Variants in CUL3 observed in about 807,000 individuals in gnomAD.
CUL3 encodes cullin 3.
In CUL3, 19 loss-of-function variants were observed where a neutral mutation model predicts 89.1. The ratio of observed to expected loss-of-function variants is 0.21; its 90% CI spans 0.15 to 0.31. The LOEUF is 0.31. CUL3 is among the 10% of genes least tolerant of loss of function. The pLI, the probability that CUL3 is intolerant of heterozygous loss-of-function variation, is 1.00. For synonymous variants in CUL3, 351 were observed against 308.4 expected (o/e 1.14, Z -1.45); for missense variants, 469 against 942.3 (o/e 0.50, Z 6.58).
intron 1 of CUL3, among the ~76,000 whole-genome samples, chr2:224,564,858 A>T (rs976416409): frequency 6.6e-6 from 1 of 152,216 alleles, no homozygotes; most frequent in African/African-American, 2.4e-5. Flanking sequence ...ACCTGCCCAA[A>T]CCTTCTTCCT....
At chr2:224,563,396 G>C in intron 1 of CUL3, 1 of 356,750 alleles carries the variant, frequency 2.8e-6, no homozygotes, top group South Asian at 2.3e-5. Flanking sequence ...AACTTAAGAG[G>C]GATTCCAGAG....
chr2:224,563,937 C>A (rs1318099087), intron 1 of CUL3, among the ~76,000 whole-genome samples: 1 of 151,930 alleles, frequency 6.6e-6, no homozygotes, highest in Non-Finnish European at 1.5e-5. Context: ...GGTGAAAGTT[C>A]TCTACTTAAT....
At chr2:224,478,105 A>C in intron 15 of CUL3, 95 bp downstream of exon 15, 1 of 1,291,640 alleles carries the variant, frequency 7.7e-7, no homozygotes, top group Non-Finnish European at 1.0e-6. Flanking sequence ...GGATTTCTTA[A>C]TTGTAAAATT....
chr2:224,535,685 C>G (rs370351538), intron 2 of CUL3, 44 bp from the exon 3 acceptor site: 1 of 1,145,872 alleles, frequency 8.7e-7, no homozygotes. Flanking sequence ...CACATCCACA[C>G]ACTCGTATAT....
At chr2:224,569,693 C>A (rs1343206194) in intron 1 of CUL3, 3 of 1,195,336 alleles carry the variant, frequency 2.5e-6, no homozygotes, top group Middle Eastern at 2.4e-4. Flanking sequence ...ACTTACACAT[C>A]TTGAAGGTTC....
intron 1 of CUL3, among the ~76,000 whole-genome samples, chr2:224,568,478 T>A (rs1272589156): frequency 5.9e-5 from 9 of 152,268 alleles, no homozygotes; most frequent in African/African-American, 2.2e-4. Context: ...TATACCAATG[T>A]AATTTTGACA....
chr2:224,556,057 T>C (rs1694698688), intron 2 of CUL3, among the ~76,000 whole-genome samples: 1 of 152,152 alleles, frequency 6.6e-6, no homozygotes, highest in Non-Finnish European at 1.5e-5. Context: ...ATCACCTTGC[T>C]TCATAAGATA....
intron 8 of CUL3, 168 bp from the exon 9 acceptor site, chr2:224,503,990 A>T: frequency 3.8e-6 from 2 of 523,742 alleles, no homozygotes; most frequent in East Asian, 6.2e-5. Flanking sequence ...TTCACACAGT[A>T]GCATCATTCT....
chr2:224,565,665 T>G (rs1454744724), intron 1 of CUL3, among the ~76,000 whole-genome samples: 2 of 152,224 alleles, frequency 1.3e-5, no homozygotes, highest in Admixed American at 6.5e-5. Flanking sequence ...TGGCACTGCT[T>G]CTTCTACATC....
intron 3 of CUL3, among the ~76,000 whole-genome samples, chr2:224,522,273 G>T (rs1186728191): frequency 1.3e-5 from 2 of 152,040 alleles, no homozygotes; most frequent in Non-Finnish European, 2.9e-5. Context: ...AATTTTAAAT[G>T]AGCAGAAAAG....
intron 2 of CUL3, among the ~76,000 whole-genome samples, chr2:224,537,423 C>T (rs1311399058): frequency 2.0e-5 from 3 of 152,222 alleles, no homozygotes; most frequent in Non-Finnish European, 2.9e-5. Flanking sequence ...CAAGACTAAG[C>T]TCCATGACTT....
intron 3 of CUL3, among the ~76,000 whole-genome samples, chr2:224,516,420 G>A (rs918152240): frequency 2.0e-5 from 3 of 150,712 alleles, no homozygotes; most frequent in Non-Finnish European, 3.0e-5. Flanking sequence ...GAGTTTAAGC[G>A]ATTCTCCTGC....
chr2:224,504,354 C>A (rs963341069), intron 8 of CUL3: 1 of 152,158 alleles, frequency 6.6e-6, no homozygotes, highest in Non-Finnish European at 1.5e-5. Context: ...ACTCGTTGCC[C>A]AGGCTGGAGC....
intron 13 of CUL3, among the ~76,000 whole-genome samples, chr2:224,490,457 C>T (rs966776091): frequency 2.6e-5 from 4 of 151,956 alleles, no homozygotes; most frequent in Non-Finnish European, 5.9e-5. Context: ...TATCCAATAA[C>T]AGCGCAGCCA....
At chr2:224,561,499 A>T (rs1029887594) in intron 1 of CUL3, among the ~76,000 whole-genome samples, 5 of 152,202 alleles carry the variant, frequency 3.3e-5, no homozygotes, top group Admixed American at 3.3e-4. Context: ...CTCAACTCTC[A>T]ATCAAGACGA....
chr2:224,517,029 A>C lies in CUL3; in HGVS notation c.379-2257T>G, dbSNP rs574219087. Among the ~76,000 whole-genome samples the C allele has an allele frequency of 5.9e-5, 9 of 152,314 alleles. 2 individuals are homozygous for C. The highest frequency in any genetic ancestry group is 2.2e-4 in the African/African-American group (9 of 41,570). On this transcript the variant is annotated intron_variant, in intron 3 of 15. Coordinates refer to ENST00000264414, the MANE Select transcript of CUL3 (RefSeq NM_003590.5). ...GTGTTTTACTTCTCAGCACAGAACA[A>C]TATGTACATAATAAAAACTAGCATA... is the stretch of plus-strand genomic sequence containing the variant.
At chr2:224,494,431 G>A (rs954722122) in intron 13 of CUL3, among the ~76,000 whole-genome samples, 2 of 151,686 alleles carry the variant, frequency 1.3e-5, no homozygotes, top group Non-Finnish European at 2.9e-5. Context: ...TTAATTGGGA[G>A]AAAAGGAAAA....
intron 3 of CUL3, among the ~76,000 whole-genome samples, chr2:224,521,429 ACTT>A (rs1011983091): frequency 4.6e-5 from 7 of 150,666 alleles, no homozygotes; most frequent in Non-Finnish European, 8.9e-5. Context: ...GTAGTTTCAT[ACTT>A]CTTTTTTTTT....
At position 224,471,424 on chromosome 2, in the gene CUL3, GTCT is replaced by G. The variant is rs764228714; in HGVS notation, c.*2818_*2820del. On this transcript the variant is annotated 3_prime_UTR_variant, in exon 16 of 16. Coordinates refer to ENST00000264414, the MANE Select transcript of CUL3 (RefSeq NM_003590.5). ...AACCTAAGATGATGCCAGTGTACTAGTCTTCTAGAGATGTAGGCATAATCTTAA... is the reference window on the plus strand; with the variant it reads ...AACCTAAGATGATGCCAGTGTACTAGTCTAGAGATGTAGGCATAATCTTAA... 2 of 198,092 alleles carry G rather than the reference GTCT, an allele frequency of 1.0e-5. No individual in the cohort carries two copies. Among genetic ancestry groups the G allele is most frequent in the Non-Finnish European group, 2.1e-5 (2 of 95,874 alleles). The allele number at this position is 198,092 out of a possible 1,614,324, so 12.3% of individuals were successfully genotyped here.
Sources: allele counts gnomAD v4.1 joint callset (sites outside exome capture counted in the v4.1 genomes callset), GRCh38; gene constraint gnomAD v4.1.1; transcripts MANE v1.5; gene names NCBI Gene and HGNC (gene_info 2026-07-23, HGNC 2026-07-21).